KAT6A: variants seen among roughly 807,000 people sequenced by gnomAD.
The protein encoded by KAT6A is histone acetyltransferase KAT6A.
A neutral mutation model predicts 198.4 loss-of-function variants in KAT6A; 9 were observed. That is an observed-to-expected ratio of 0.05 (90% CI 0.03 to 0.08). The LOEUF is 0.08. Among genes scored for constraint, KAT6A ranks in the 10% least tolerant of loss-of-function variants. KAT6A has a pLI of 1.00. For synonymous variants in KAT6A, 890 were observed against 883.0 expected (o/e 1.01, Z -0.14); for missense variants, 2,077 against 2,509.9 (o/e 0.83, Z 3.69).
intron 6 of KAT6A, among the ~76,000 whole-genome samples, chr8:41,978,334 C>G (rs1000446080): frequency 2.0e-5 from 3 of 152,170 alleles, no homozygotes; most frequent in Non-Finnish European, 4.4e-5. Context: ...ACTTTGGTGC[C>G]AGACTACTCG....
chr8:41,942,755 C>T (rs1227068686), intron 14 of KAT6A, 38 bp downstream of exon 14: 1 of 1,600,688 alleles, frequency 6.2e-7, no homozygotes, highest in East Asian at 2.2e-5. Context: ...AAAAATATAT[C>T]TTCTGTCATC....
intron 11 of KAT6A, 37 bp downstream of exon 11, chr8:41,947,714 A>AT (rs1474054837): frequency 6.5e-7 from 1 of 1,536,572 alleles, no homozygotes; most frequent in Non-Finnish European, 8.8e-7. Context: ...TCAGATTTCT[A>AT]TATGAGTTCA....
chr8:42,005,500 G>T (rs1198155979), intron 2 of KAT6A, among the ~76,000 whole-genome samples: 1 of 152,164 alleles, frequency 6.6e-6, no homozygotes, highest in Non-Finnish European at 1.5e-5. Context: ...CACACAATAA[G>T]AGATCAGGAA....
At chr8:42,006,992 T>C (rs1378751979) in intron 2 of KAT6A, among the ~76,000 whole-genome samples, 1 of 78,156 alleles carries the variant, frequency 1.3e-5, no homozygotes, top group Admixed American at 1.3e-4. Context: ...CAAGACTCCA[T>C]CTCAAAAAAA....
intron 2 of KAT6A, among the ~76,000 whole-genome samples, chr8:41,995,875 T>C (rs1271508765): frequency 6.6e-6 from 1 of 151,928 alleles, no homozygotes; most frequent in Non-Finnish European, 1.5e-5. Flanking sequence ...GGGGTTTCAC[T>C]AGGTTGGTCA....
intron 6 of KAT6A, among the ~76,000 whole-genome samples, chr8:41,978,333 C>T: frequency 6.6e-6 from 1 of 152,170 alleles, no homozygotes; most frequent in East Asian, 1.9e-4. Flanking sequence ...GACTTTGGTG[C>T]CAGACTACTC....
intron 3 of KAT6A, 114 bp downstream of exon 3, chr8:41,987,341 A>G (rs1824665912): frequency 3.0e-6 from 2 of 660,288 alleles, no homozygotes; most frequent in Non-Finnish European, 2.7e-6. Context: ...CCATAATTAA[A>G]AGATGTATGA....
intron 8 of KAT6A, among the ~76,000 whole-genome samples, chr8:41,963,973 A>G (rs1393829085): frequency 3.9e-5 from 6 of 152,138 alleles, no homozygotes; most frequent in African/African-American, 1.4e-4. Context: ...TCATCCCTTC[A>G]GCACCCTACA....
At chr8:42,028,630 G>A (rs537278042) in intron 2 of KAT6A, among the ~76,000 whole-genome samples, 1 of 152,196 alleles carries the variant, frequency 6.6e-6, no homozygotes, top group African/African-American at 2.4e-5. Context: ...CTTCATAGGT[G>A]AAGTAAGTTT....
At chr8:42,014,867 T>A (rs1826195772) in intron 2 of KAT6A, among the ~76,000 whole-genome samples, 1 of 152,170 alleles carries the variant, frequency 6.6e-6, no homozygotes, top group African/African-American at 2.4e-5. Flanking sequence ...TAGTTACAGG[T>A]TCAGGATTAC....
intron 8 of KAT6A, among the ~76,000 whole-genome samples, chr8:41,960,142 TG>T (rs1463490549): frequency 2.6e-5 from 2 of 77,494 alleles, no homozygotes; most frequent in African/African-American, 1.0e-4. Context: ...TTACCAGGGG[TG>T]GGGGTAGGGG....
In KAT6A at chr8:41,933,344, G is replaced by C; in HGVS notation, c.4876C>G (p.Pro1626Ala). 6.3e-7 allele frequency: 1 copy of C among 1,580,476 alleles called. No individual in the cohort carries two copies. The highest frequency in any genetic ancestry group is 8.6e-7 in the Non-Finnish European group (1 of 1,166,046). ...GACTTGATGCTGCAGTTGGCAGCAG[G>C]CTGGACGCTGCTCTGCTGCATCATG... The part of the protein sequence containing the change: ...CSMMQQSSVQ[P>A]AANCSIKSPQ... The change falls in exon 17 of 17, where the codon CCT (proline) becomes GCT (alanine). Residue 1626 changes from proline (P) to alanine (A), a missense_variant. Coordinates refer to ENST00000265713, the MANE Select transcript of KAT6A (RefSeq NM_006766.5). This position sits in a 1 kb window ranked among gnomAD's most constrained non-coding sequence, Gnocchi z 6.2.
intron 1 of KAT6A, among the ~76,000 whole-genome samples, 165 bp downstream of exon 1, chr8:42,051,736 G>A (rs1802672077): frequency 6.9e-6 from 1 of 144,686 alleles, no homozygotes; most frequent in Non-Finnish European, 1.5e-5. Flanking sequence ...GGCGGCCACG[G>A]CGCCCCAGCC....
At chr8:42,006,917 A>G (rs1431656524) in intron 2 of KAT6A, among the ~76,000 whole-genome samples, 3 of 145,158 alleles carry the variant, frequency 2.1e-5, no homozygotes, top group Non-Finnish European at 4.5e-5. Context: ...AATCACTTGA[A>G]CCCGGGAGGC....
intron 2 of KAT6A, among the ~76,000 whole-genome samples, chr8:41,997,295 T>G (rs1825264849): frequency 6.6e-6 from 1 of 152,162 alleles, no homozygotes; most frequent in African/African-American, 2.4e-5. Flanking sequence ...GAAAAGCAAC[T>G]ACTATAATTT....
chr8:42,038,764 GCATAATA>G (rs1827496774), intron 2 of KAT6A, among the ~76,000 whole-genome samples: 1 of 152,142 alleles, frequency 6.6e-6, no homozygotes, highest in South Asian at 2.1e-4. Flanking sequence ...TGTTTCGTAA[GCATAATA>G]CAATTCAACC....
chr8:41,944,110 G>T (rs1442804020), intron 12 of KAT6A, 131 bp from the exon 13 acceptor site: 2 of 608,830 alleles, frequency 3.3e-6, no homozygotes, highest in Non-Finnish European at 5.6e-6. Context: ...AAAAAAAAAA[G>T]AGAGAAACAA....
intron 2 of KAT6A, among the ~76,000 whole-genome samples, chr8:42,005,306 TTC>T (rs1414089307): frequency 2.6e-5 from 4 of 152,222 alleles, no homozygotes; most frequent in South Asian, 2.1e-4. Flanking sequence ...AAATTAAAAT[TTC>T]TGACTTAAAT....
chr8:41,936,791 C>G (rs1316950049), intron 16 of KAT6A, among the ~76,000 whole-genome samples: 1 of 152,216 alleles, frequency 6.6e-6, no homozygotes, highest in Non-Finnish European at 1.5e-5. Flanking sequence ...TTACATGAAT[C>G]TGCTCTTTCT....
Sources: gnomAD v4.1 joint callset for allele counts (sites outside exome capture counted in the v4.1 genomes callset) on GRCh38, gnomAD v4.1.1 for gene constraint, Gnocchi (gnomAD v3.1) non-coding constraint, MANE v1.5 for transcripts, NCBI Gene and HGNC (gene_info 2026-07-23, HGNC 2026-07-21) for gene names.